CPNE1: variants seen among roughly 807,000 people sequenced by gnomAD.
CPNE1 encodes the protein copine 1, also known as copine-1.
Under a neutral mutation model 63.2 loss-of-function variants are expected in CPNE1, and 58 were observed. That is an observed-to-expected ratio of 0.92 (90% CI 0.74 to 1.14). The LOEUF is 1.14. Ranked by LOEUF, CPNE1 falls within the 50% of genes most tolerant of loss-of-function variation. The pLI is 0.00. For synonymous variants in CPNE1, 237 were observed against 249.0 expected (o/e 0.95, Z 0.45); for missense variants, 672 against 661.7 (o/e 1.02, Z -0.17).
intron 1 of CPNE1, among the ~76,000 whole-genome samples, chr20:35,656,435 G>A (rs926622399): frequency 2.6e-5 from 4 of 152,178 alleles, no homozygotes; most frequent in African/African-American, 9.7e-5. Flanking sequence ...TTTGGAAAGT[G>A]ACACAAACCG....
chr20:35,631,674 G>A lies in CPNE1; in HGVS notation c.627+14C>T, dbSNP rs760533431. 10 of 1,613,302 alleles carry A rather than the reference G, an allele frequency of 6.2e-6. No individual in the cohort carries two copies. The South Asian group carries it at 1.1e-4, about 18-fold the overall frequency. On this transcript the variant is annotated intron_variant, in intron 7 of 15. Coordinates refer to ENST00000397443, the MANE Select transcript of CPNE1 (RefSeq NM_152925.3). The stretch of plus-strand genomic sequence containing the variant: ...CTTCTCCAGCGCAGTCCACTTAGGG[G>A]GCAAGCTCCTCACCTGGATGGGTGT...
chr20:35,643,990 C>A (rs953990636), intron 1 of CPNE1, among the ~76,000 whole-genome samples: 3 of 152,140 alleles, frequency 2.0e-5, no homozygotes, highest in Non-Finnish European at 4.4e-5. Context: ...ATACAAGCAT[C>A]CATGATTAAA....
At chr20:35,654,441 CA>C in intron 1 of CPNE1, 1 of 1,614,190 alleles carries the variant, frequency 6.2e-7, no homozygotes, top group Non-Finnish European at 8.5e-7. Flanking sequence ...GGAGTGGCTT[CA>C]CACTGCTCTG....
intron 1 of CPNE1, 77 bp downstream of exon 1, chr20:35,664,683 A>AGGCCCCGCCCCGGGCCACCAAGG (rs2034443707): frequency 2.0e-5 from 3 of 152,386 alleles, no homozygotes; most frequent in Non-Finnish European, 4.4e-5. Flanking sequence ...AGGCCTCCGA[A>AGGCCCCGCCCCGGGCCACCAAGG]GGCCCCGCCC....
intron 1 of CPNE1, among the ~76,000 whole-genome samples, chr20:35,662,620 A>C (rs2034292140): frequency 6.6e-6 from 1 of 152,228 alleles, no homozygotes; most frequent in Non-Finnish European, 1.5e-5. Context: ...TTCCTACAAC[A>C]TCTACAGAAG....
intron 1 of CPNE1, chr20:35,655,215 T>G: frequency 6.2e-7 from 1 of 1,614,032 alleles, no homozygotes; most frequent in Non-Finnish European, 8.5e-7. Context: ...GTTCACCCCC[T>G]ACAATATGCA....
intron 1 of CPNE1, among the ~76,000 whole-genome samples, chr20:35,636,789 A>AATG (rs1258244799): frequency 1.3e-5 from 2 of 152,146 alleles, no homozygotes; most frequent in African/African-American, 4.8e-5. Flanking sequence ...TAATAATAAT[A>AATG]ATAGGAAGAG....
At chr20:35,650,523 T>C (rs1380330577) in intron 1 of CPNE1, 1 of 152,610 alleles carries the variant, frequency 6.6e-6, no homozygotes, top group Non-Finnish European at 1.5e-5. Flanking sequence ...GAATGAGAAA[T>C]GATTACTTAA....
rs1465353292 is a variant in CPNE1 at position 35,632,927 on chromosome 20, A to T, written c.1-4T>A. ...CCAAGGTCACGCAGTGGGCCATCTG[A>T]GGGAAAAGGAGCTGGGTCAAGCACC... On this transcript the variant is annotated splice_polypyrimidine_tract_variant and splice_region_variant and intron_variant, in intron 1 of 15. Coordinates refer to ENST00000397443, the MANE Select transcript of CPNE1 (RefSeq NM_152925.3). 1.1e-6 allele frequency: 1 copy of T among 870,224 alleles called. No homozygotes were observed. Among genetic ancestry groups the T allele is most frequent in the Admixed American group, 1.7e-5 (1 of 58,918 alleles). 53.9% of individuals were successfully genotyped at this position (870,224 alleles called of 1,614,324 possible).
At chr20:35,649,250 G>A (rs191283260) in intron 1 of CPNE1, 5 of 152,240 alleles carry the variant, frequency 3.3e-5, no homozygotes, top group Admixed American at 6.5e-5. Context: ...CTCATTTCCC[G>A]AGTGTTCTTA....
rs75661489 is a variant in CPNE1, at chr20:35,650,903, T to G, written c.-1+13857A>C. On this transcript the variant is annotated intron_variant, in intron 1 of 15. Transcript: ENST00000397443. ...ACCCCTTTGTAACTACGCTGATTTG[T>G]AGGAAATGTTGGGGATGTTTCAAAC... 2.1e-3 allele frequency: 326 copies of G among 152,714 alleles called. 3 individuals are homozygous for G. The highest frequency in any genetic ancestry group is 0.017 in the East Asian group (88 of 5,186). 9.5% of individuals were successfully genotyped at this position (152,714 alleles called of 1,614,324 possible). A position where few individuals can be genotyped will look rare whatever the true frequency, so the allele number is the denominator to read the frequency against.
intron 1 of CPNE1, chr20:35,659,070 G>A (rs1055938179): frequency 2.6e-5 from 18 of 696,676 alleles, no homozygotes; most frequent in South Asian, 1.2e-4. Context: ...AAAACAACAC[G>A]CACAGGCCAC....
At chr20:35,643,356 A>G (rs925375531) in intron 1 of CPNE1, 2 of 152,248 alleles carry the variant, frequency 1.3e-5, no homozygotes, top group Non-Finnish European at 2.9e-5. Context: ...TAGAACCTGC[A>G]AACAGGCTCT....
rs1601493233 is a variant in CPNE1 at position 35,659,693 on chromosome 20, C to A, written c.-1+5067G>T. On this transcript the variant is annotated intron_variant, in intron 1 of 15. Transcript: ENST00000397443. ...TAAAATAAAATAAAATTTAAAAACA[C>A]CCTAAAAATGCCTGACATATTAAGA... Among the ~76,000 whole-genome samples the A allele has an allele frequency of 9.2e-5, 14 of 152,130 alleles. No homozygotes were observed. In the South Asian group the frequency reaches 2.9e-3, roughly 32 times the overall value.
At chr20:35,627,186 T>TTAAAAAAAAAAA (rs1343225805) in intron 14 of CPNE1, 94 bp downstream of exon 14, 1 of 602,228 alleles carries the variant, frequency 1.7e-6, no homozygotes, top group Admixed American at 5.7e-5. Flanking sequence ...AGAGTCCATC[T>TTAAAAAAAAAAA]CAAAAAAAAA....
chr20:35,657,881 T>C (rs569285933), intron 1 of CPNE1, among the ~76,000 whole-genome samples: 1 of 151,978 alleles, frequency 6.6e-6, no homozygotes, highest in East Asian at 1.9e-4. Flanking sequence ...GCCAACAAGG[T>C]GAAACCCCGT....
intron 1 of CPNE1, among the ~76,000 whole-genome samples, chr20:35,646,508 C>G (rs2033113773): frequency 6.6e-6 from 1 of 151,680 alleles, no homozygotes; most frequent in Non-Finnish European, 1.5e-5. Context: ...CAGGTGTGAC[C>G]CACCACACCC....
intron 10 of CPNE1, 40 bp from the exon 11 acceptor site, chr20:35,631,074 G>A: frequency 4.3e-6 from 7 of 1,614,158 alleles, no homozygotes; most frequent in Non-Finnish European, 5.1e-6. Context: ...GCCACCCTGA[G>A]CCCCAGACCT....
At chr20:35,633,796 A>C (rs1021798593) in intron 1 of CPNE1, among the ~76,000 whole-genome samples, 1 of 150,860 alleles carries the variant, frequency 6.6e-6, no homozygotes, top group Non-Finnish European at 1.5e-5. Flanking sequence ...CTACTAAAAA[A>C]AAAAATACAA....
Sources: gnomAD v4.1 joint callset for allele counts (sites outside exome capture counted in the v4.1 genomes callset) on GRCh38, gnomAD v4.1.1 for gene constraint, MANE v1.5 for transcripts, NCBI Gene and HGNC (gene_info 2026-07-23, HGNC 2026-07-21) for gene names.